Variants in ARHGAP15 observed in about 807,000 individuals in gnomAD.
ARHGAP15 encodes the protein Rho GTPase activating protein 15.
ARHGAP15 carries 51 observed loss-of-function variants against 63.7 expected under a neutral mutation model. The observed-to-expected ratio is 0.80, with a 90% confidence interval of 0.64 to 1.01. The LOEUF (loss-of-function observed/expected upper bound fraction) is 1.01, where lower values mean the gene tolerates loss of function less well. ARHGAP15 is among the 50% of genes least tolerant of loss of function. The pLI, the probability that ARHGAP15 is intolerant of heterozygous loss-of-function variation, is 0.00. For missense variants in ARHGAP15, 560 were observed against 564.6 expected (o/e 0.99, Z 0.08); for synonymous variants, 191 against 193.8 (o/e 0.99, Z 0.12).
chr2:143,345,986 TCTTATAA>T (rs961360930), intron 6 of ARHGAP15, among the ~76,000 whole-genome samples: 5 of 152,026 alleles, frequency 3.3e-5, no homozygotes, highest in African/African-American at 9.7e-5. Context: ...GTTGCCTAAT[TCTTATAA>T]CTTGTGCATA....
At chr2:143,421,071 G>A (rs1410094406) in intron 6 of ARHGAP15, among the ~76,000 whole-genome samples, 3 of 152,116 alleles carry the variant, frequency 2.0e-5, no homozygotes, top group African/African-American at 7.2e-5. Flanking sequence ...AACTTCTTTG[G>A]TTTTTCCCTC....
rs568439582 is a variant in ARHGAP15, at chr2:143,464,782, T to C, written c.704-22591T>C. On this transcript the variant is annotated intron_variant, in intron 8 of 13. Coordinates refer to ENST00000295095, the MANE Select transcript of ARHGAP15 (RefSeq NM_018460.4). ...AATTTTTTTGTTCTAATTTTGTCTT[T>C]ATCATAGGTAATCATGATATTAAAA... Among the ~76,000 whole-genome samples the C allele has an allele frequency of 2.6e-5, 4 of 152,274 alleles. No individual in the cohort carries two copies. The South Asian group carries it at 6.2e-4, about 24-fold the overall frequency.
chr2:143,695,073 C>T (rs1298713234), intron 12 of ARHGAP15, among the ~76,000 whole-genome samples: 6 of 151,922 alleles, frequency 3.9e-5, no homozygotes, highest in African/African-American at 1.5e-4. Context: ...ATGTAAATAG[C>T]TAGTTGAGTA....
chr2:143,145,183 C>T (rs187773761), intron 1 of ARHGAP15, among the ~76,000 whole-genome samples: 60 of 152,174 alleles, frequency 3.9e-4, no homozygotes, highest in African/African-American at 1.4e-3. Context: ...GAAACATTAA[C>T]TTAATACAGA....
rs192229709 is a variant in ARHGAP15 at position 143,490,100 on chromosome 2, C to T, written c.826+2605C>T. 3.8e-3 allele frequency among the ~76,000 whole-genome samples: 580 copies of T among 151,946 alleles called. 2 individuals are homozygous for T. Among genetic ancestry groups the T allele is most frequent in the Non-Finnish European group, 6.3e-3 (426 of 67,914 alleles). On this transcript the variant is annotated intron_variant, in intron 9 of 13. Transcript: ENST00000295095. Reference sequence around the variant, plus strand: ...CTGCAAGCTCTGCCTCCTGGGTTCACGCCATTCTCCTGCCTCAGCCTCCCG... The same window carrying T: ...CTGCAAGCTCTGCCTCCTGGGTTCATGCCATTCTCCTGCCTCAGCCTCCCG...
At chr2:143,549,497 C>A (rs1053845787) in intron 10 of ARHGAP15, among the ~76,000 whole-genome samples, 1 of 152,068 alleles carries the variant, frequency 6.6e-6, no homozygotes, top group Admixed American at 6.6e-5. Context: ...CAGAGAATAA[C>A]CAAACTTGGA....
At chr2:143,720,905 T>C (rs1156399664) in intron 13 of ARHGAP15, among the ~76,000 whole-genome samples, 1 of 151,526 alleles carries the variant, frequency 6.6e-6, no homozygotes, top group Non-Finnish European at 1.5e-5. Context: ...CCATCTCTAC[T>C]AAACATACAA....
chr2:143,713,362 G>A (rs1388977451), intron 13 of ARHGAP15, among the ~76,000 whole-genome samples: 2 of 152,134 alleles, frequency 1.3e-5, no homozygotes, highest in Non-Finnish European at 2.9e-5. Context: ...CAGCCCCCAT[G>A]ATCCAATTAC....
rs920817348 is a variant in ARHGAP15 at position 143,469,037 on chromosome 2, A to AT, written c.704-18329dup. 7.9e-5 allele frequency among the ~76,000 whole-genome samples: 12 copies of AT among 152,192 alleles called. No homozygotes were observed. In the South Asian group the frequency reaches 8.3e-4, roughly 11 times the overall value. ...GAACTGACCCTTTATGAGAATTTAT[A>AT]TTTTTTTACTTTGCCATGAGTTTTC... On this transcript the variant is annotated intron_variant, in intron 8 of 13. Coordinates refer to ENST00000295095, the MANE Select transcript of ARHGAP15 (RefSeq NM_018460.4).
chr2:143,467,680 C>T (rs986580729), intron 8 of ARHGAP15, among the ~76,000 whole-genome samples: 4 of 152,162 alleles, frequency 2.6e-5, no homozygotes, highest in African/African-American at 9.6e-5. Context: ...AAGTTATTAA[C>T]TTCTCCATTT....
At chr2:143,506,851 G>C (rs1359233788) in intron 9 of ARHGAP15, among the ~76,000 whole-genome samples, 1 of 151,470 alleles carries the variant, frequency 6.6e-6, no homozygotes, top group Non-Finnish European at 1.5e-5. Flanking sequence ...ACTGTGGTCT[G>C]TTAGAAAAAA....
At chr2:143,215,566 T>C (rs1292953542) in intron 3 of ARHGAP15, among the ~76,000 whole-genome samples, 1 of 152,090 alleles carries the variant, frequency 6.6e-6, no homozygotes, top group Non-Finnish European at 1.5e-5. Flanking sequence ...GTGTGGGCAA[T>C]TCACTAAGAG....
intron 6 of ARHGAP15, among the ~76,000 whole-genome samples, chr2:143,419,481 AG>A (rs1401060682): frequency 7.2e-5 from 11 of 152,232 alleles, no homozygotes; most frequent in Non-Finnish European, 1.6e-4. Context: ...GTGGAAAAAT[AG>A]GAAGACACTT....
intron 6 of ARHGAP15, among the ~76,000 whole-genome samples, chr2:143,393,502 G>A (rs1011077141): frequency 6.6e-6 from 1 of 152,088 alleles, no homozygotes; most frequent in Non-Finnish European, 1.5e-5. Context: ...GGGAGGCGAA[G>A]GTGGGTGGAT....
At chr2:143,571,176 G>GA (rs765333519) in intron 11 of ARHGAP15, among the ~76,000 whole-genome samples, 2 of 152,012 alleles carry the variant, frequency 1.3e-5, no homozygotes, top group Non-Finnish European at 2.9e-5. Flanking sequence ...TTATTTGCAG[G>GA]AAAAAAAGCT....
chr2:143,663,675 C>T (rs1681969163), intron 12 of ARHGAP15, among the ~76,000 whole-genome samples: 1 of 152,120 alleles, frequency 6.6e-6, no homozygotes, highest in South Asian at 2.1e-4. Context: ...AAACCCATCT[C>T]ATGTGCAGAG....
intron 11 of ARHGAP15, among the ~76,000 whole-genome samples, chr2:143,582,675 T>C (rs1305441966): frequency 6.6e-6 from 1 of 152,210 alleles, no homozygotes; most frequent in Non-Finnish European, 1.5e-5. Flanking sequence ...AACTAAAAGA[T>C]GTGGAGACAA....
At chr2:143,648,376 A>G (rs1218115858) in intron 12 of ARHGAP15, among the ~76,000 whole-genome samples, 1 of 152,066 alleles carries the variant, frequency 6.6e-6, no homozygotes, top group African/African-American at 2.4e-5. Context: ...TCTAAGTGCT[A>G]GTAGCCTACA....
At chr2:143,671,218 T>C (rs187587991) in intron 12 of ARHGAP15, among the ~76,000 whole-genome samples, 1 of 152,274 alleles carries the variant, frequency 6.6e-6, no homozygotes. Flanking sequence ...ATTATTTTGA[T>C]TTGGTGGTTC....
Sources: allele counts gnomAD v4.1 joint callset (sites outside exome capture counted in the v4.1 genomes callset), GRCh38; gene constraint gnomAD v4.1.1; transcripts MANE v1.5; gene names NCBI Gene and HGNC (gene_info 2026-07-23, HGNC 2026-07-21).